The following ZFR variants were observed in gnomAD, a reference collection of about 807,000 sequenced individuals.
ZFR encodes zinc finger RNA binding protein.
Under a neutral mutation model 130.7 loss-of-function variants are expected in ZFR, and 19 were observed. That is an observed-to-expected ratio of 0.15 (90% confidence interval 0.10 to 0.21). ZFR has a LOEUF of 0.21. Among genes scored for constraint, ZFR ranks in the 10% least tolerant of loss-of-function variants. ZFR has a pLI of 1.00. For missense variants in ZFR, 872 were observed against 1,321.5 expected (o/e 0.66, Z 5.27); for synonymous variants, 466 against 456.9 (o/e 1.02, Z -0.25).
chr5:32,404,228 G>T, intron 6 of ZFR, 131 bp from the exon 7 acceptor site: 1 of 690,298 alleles, frequency 1.4e-6, no homozygotes, highest in Non-Finnish European at 2.4e-6. Context: ...TTGAAAAAGG[G>T]CATGTGGCAT....
chr5:32,444,092 C>CGGGG, intron 2 of ZFR, 137 bp downstream of exon 2: 5 of 785,810 alleles, frequency 6.4e-6, no homozygotes, highest in Non-Finnish European at 6.6e-6. Flanking sequence ...GGAGAGGCCG[C>CGGGG]CGGGCTGGGC....
intron 2 of ZFR, among the ~76,000 whole-genome samples, chr5:32,431,692 T>C (rs1436625036): frequency 6.6e-6 from 1 of 152,068 alleles, no homozygotes; most frequent in Non-Finnish European, 1.5e-5. Context: ...GTTGGACTTT[T>C]CTAGGACAAA....
At chr5:32,362,695 T>C (rs1164964813) in intron 19 of ZFR, among the ~76,000 whole-genome samples, 1 of 152,214 alleles carries the variant, frequency 6.6e-6, no homozygotes, top group Non-Finnish European at 1.5e-5. Flanking sequence ...TTCCTCCTCA[T>C]CCAAGTATTA....
In ZFR at chr5:32,421,585, T is replaced by C. The variant is rs1048531524; in HGVS notation, c.138-1482A>G. Among the ~76,000 whole-genome samples the C allele has an allele frequency of 4.6e-5, 7 of 152,012 alleles. No individual in the cohort carries two copies. In the East Asian group the frequency reaches 1.3e-3, roughly 29 times the overall value. On this transcript the variant is annotated intron_variant, in intron 2 of 19. Coordinates refer to ENST00000265069, the MANE Select transcript of ZFR (RefSeq NM_016107.5). The stretch of plus-strand genomic sequence containing the variant: ...AAAAGGGGAGGACACCTGGAGAAAT[T>C]CAGTCTAGAAAAGGTGACAGATGCC...
chr5:32,440,680 G>A, intron 2 of ZFR, among the ~76,000 whole-genome samples: 1 of 150,550 alleles, frequency 6.6e-6, no homozygotes, highest in African/African-American at 2.4e-5. Flanking sequence ...ATACAAAACA[G>A]GAAAAAAAAA....
intron 2 of ZFR, among the ~76,000 whole-genome samples, chr5:32,433,344 G>C (rs546286612): frequency 6.6e-6 from 1 of 152,042 alleles, no homozygotes; most frequent in South Asian, 2.1e-4. Flanking sequence ...TAGTAAACCC[G>C]AATTTTTATT....
chr5:32,412,506 C>T (rs899028087), intron 5 of ZFR, among the ~76,000 whole-genome samples: 3 of 152,194 alleles, frequency 2.0e-5, no homozygotes, highest in Non-Finnish European at 4.4e-5. Flanking sequence ...ATTTCAAAAA[C>T]AAAGCACAAG....
chr5:32,427,374 C>CAA (rs540663022), intron 2 of ZFR, among the ~76,000 whole-genome samples: 2,350 of 66,110 alleles, frequency 0.036, 57 homozygotes, highest in African/African-American at 0.064. Flanking sequence ...GACTCTGTCT[C>CAA]AAAAAAAAAA....
At chr5:32,362,450 C>T (rs539337978) in intron 19 of ZFR, among the ~76,000 whole-genome samples, 33 of 152,196 alleles carry the variant, frequency 2.2e-4, no homozygotes, top group East Asian at 3.9e-4. Context: ...TACAGGCCAC[C>T]GAAAAACTAA....
intron 2 of ZFR, among the ~76,000 whole-genome samples, chr5:32,443,558 C>G (rs911603786): frequency 6.6e-6 from 1 of 152,270 alleles, no homozygotes; most frequent in Admixed American, 6.5e-5. Flanking sequence ...ACACAATTTA[C>G]AGGTGGTTGG....
At chr5:32,391,844 C>T (rs1753186067) in intron 11 of ZFR, among the ~76,000 whole-genome samples, 1 of 151,948 alleles carries the variant, frequency 6.6e-6, no homozygotes, top group South Asian at 2.1e-4. Flanking sequence ...GGTGATCCTC[C>T]CACCTCAGCC....
intron 19 of ZFR, among the ~76,000 whole-genome samples, chr5:32,360,267 T>C (rs1752403816): frequency 6.6e-6 from 1 of 152,202 alleles, no homozygotes; most frequent in African/African-American, 2.4e-5. Flanking sequence ...ACCTTTAAAA[T>C]GTAAAATTCA....
intron 5 of ZFR, among the ~76,000 whole-genome samples, chr5:32,414,199 A>G (rs1361830076): frequency 6.6e-6 from 1 of 151,970 alleles, no homozygotes; most frequent in Non-Finnish European, 1.5e-5. Flanking sequence ...GTTCTCAAAC[A>G]CTCCGTGCAT....
At position 32,419,227 on chromosome 5, in the gene ZFR, G is replaced by A. The variant is rs183830508; in HGVS notation, c.420+594C>T. Among the ~76,000 whole-genome samples, 94 of 152,242 alleles carry A rather than the reference G, an allele frequency of 6.2e-4. 3 individuals carry two copies. The East Asian group carries it at 0.015, about 25-fold the overall frequency. Reference sequence around the variant, plus strand: ...AACAAACAAACTTGGGGTAAACAATGAAATATTTAACTAGCAATTAATGTG... The same window carrying A: ...AACAAACAAACTTGGGGTAAACAATAAAATATTTAACTAGCAATTAATGTG... On this transcript the variant is annotated intron_variant, in intron 3 of 19. Coordinates refer to ENST00000265069, the MANE Select transcript of ZFR (RefSeq NM_016107.5).
rs774812348 is a variant in ZFR, at chr5:32,390,332, G to C, written c.2085C>G (p.Gly695=). The C allele has an allele frequency of 6.2e-7, 1 of 1,614,198 alleles. No homozygotes were observed. Among genetic ancestry groups the C allele is most frequent in the South Asian group, 1.1e-5 (1 of 91,086 alleles). Residue 695 remains glycine, a synonymous_variant, in exon 12 of 20, where the codon GGC becomes GGG. Coordinates refer to ENST00000265069, the MANE Select transcript of ZFR (RefSeq NM_016107.5). ...GTCGGACTCCCAGAAGGCCTAATGG[G>C]CCTGGAGGACCATGAGGATAACCTC... ...PDGGYPHGPP[G]PLGLLGVRPG... is the part of the protein sequence containing the mutation.
intron 5 of ZFR, among the ~76,000 whole-genome samples, chr5:32,407,545 T>C (rs1753603525): frequency 6.6e-6 from 1 of 151,952 alleles, no homozygotes; most frequent in Non-Finnish European, 1.5e-5. Flanking sequence ...AGTGATCAAC[T>C]GATGGGCTGT....
intron 5 of ZFR, 47 bp from the exon 6 acceptor site, chr5:32,407,068 G>A (rs1197743581): frequency 8.8e-6 from 12 of 1,361,398 alleles, no homozygotes; most frequent in South Asian, 3.8e-5. Context: ...ACTTATAGAA[G>A]GACAAGTTAA....
intron 19 of ZFR, among the ~76,000 whole-genome samples, chr5:32,360,340 T>C (rs1198511814): frequency 6.6e-6 from 1 of 152,202 alleles, no homozygotes; most frequent in Non-Finnish European, 1.5e-5. Context: ...TAGAACATTT[T>C]CATTACCCTA....
At position 32,414,985 on chromosome 5, in the gene ZFR, T is replaced by G. The variant is rs1561907442; in HGVS notation, c.768A>C (p.Thr256=). 6.2e-7 allele frequency: 1 copy of G among 1,613,740 alleles called. No individual in the cohort carries two copies. The change falls in exon 5 of 20, where the codon ACA becomes ACC. Residue 256 remains threonine, a synonymous_variant. Coordinates refer to ENST00000265069, the MANE Select transcript of ZFR (RefSeq NM_016107.5). ...CAGTCTTACCAGAATATGTAACTGC[T>G]GTGGTACTGTAAGTAGCACTCTGAG... ...SYTQSATYST[T]AVTYSGTSYS... is the part of the protein sequence containing the mutation.
Sources: gnomAD v4.1 joint callset for allele counts (sites outside exome capture counted in the v4.1 genomes callset) on GRCh38, gnomAD v4.1.1 for gene constraint, MANE v1.5 for transcripts, NCBI Gene and HGNC (gene_info 2026-07-23, HGNC 2026-07-21) for gene names.